SEPTIN9: variants seen among roughly 807,000 people sequenced by gnomAD.
The protein encoded by SEPTIN9 is septin-9.
SEPTIN9 carries 13 observed loss-of-function variants against 56.6 expected under a neutral mutation model. The ratio of observed to expected loss-of-function variants is 0.23; its 90% CI spans 0.15 to 0.37. The LOEUF (loss-of-function observed/expected upper bound fraction) is 0.37. SEPTIN9 is among the 10% of genes least tolerant of loss of function. The pLI, the probability that SEPTIN9 is intolerant of heterozygous loss-of-function variation, is 1.00. For synonymous variants in SEPTIN9, 332 were observed against 334.1 expected (o/e 0.99, Z 0.07); for missense variants, 650 against 823.1 (o/e 0.79, Z 2.57).
chr17:77,306,851 G>A (rs1047337868), intron 1 of SEPTIN9, among the ~76,000 whole-genome samples: 5 of 152,232 alleles, frequency 3.3e-5, no homozygotes, highest in Non-Finnish European at 5.9e-5. Context: ...GTGACACTCT[G>A]TGGAGACTCA....
At chr17:77,335,579 T>C (rs2033519523) in intron 2 of SEPTIN9, among the ~76,000 whole-genome samples, 1 of 150,844 alleles carries the variant, frequency 6.6e-6, no homozygotes, top group African/African-American at 2.4e-5. Flanking sequence ...TGTAGTCCTA[T>C]ATTAGTATAT....
At chr17:77,378,814 G>T (rs1229797341) in intron 2 of SEPTIN9, among the ~76,000 whole-genome samples, 2 of 152,112 alleles carry the variant, frequency 1.3e-5, no homozygotes, top group Non-Finnish European at 2.9e-5. Context: ...CTGGGAGGTT[G>T]TCCTGGTCTT....
intron 3 of SEPTIN9, among the ~76,000 whole-genome samples, chr17:77,408,527 G>T (rs1418461394): frequency 1.3e-5 from 2 of 152,202 alleles, no homozygotes; most frequent in African/African-American, 4.8e-5. Flanking sequence ...GGCAGAACAG[G>T]GAGGAATCTC....
At chr17:77,308,675 C>T (rs540347165) in intron 2 of SEPTIN9, among the ~76,000 whole-genome samples, 55 of 152,232 alleles carry the variant, frequency 3.6e-4, no homozygotes, top group Non-Finnish European at 7.1e-4. Flanking sequence ...GCACCTGAGA[C>T]CTCAGAATTC....
intron 1 of SEPTIN9, among the ~76,000 whole-genome samples, chr17:77,305,520 AC>A (rs1240172520): frequency 1.3e-5 from 2 of 151,826 alleles, no homozygotes; most frequent in East Asian, 1.9e-4. Flanking sequence ...AGGAGTCACG[AC>A]CCACACCCTC....
intron 8 of SEPTIN9, among the ~76,000 whole-genome samples, chr17:77,491,892 T>TAGGGAGGGG (rs1299075854): frequency 2.7e-5 from 4 of 148,462 alleles, no homozygotes; most frequent in African/African-American, 1.0e-4. Context: ...TGCTGTGGGA[T>TAGGGAGGGG]AGGGAGGGGC....
intron 1 of SEPTIN9, among the ~76,000 whole-genome samples, chr17:77,298,701 C>T (rs778538328): frequency 1.3e-5 from 2 of 152,230 alleles, no homozygotes; most frequent in African/African-American, 4.8e-5. Context: ...TCTGATGCCT[C>T]TGAACCTCCT....
rs191711611 is a variant in SEPTIN9, at chr17:77,342,802, A to C, written c.76+35605A>C. 3.3e-3 allele frequency among the ~76,000 whole-genome samples: 495 copies of C among 152,200 alleles called. 2 individuals carry two copies. The highest frequency in any genetic ancestry group is 5.3e-3 in the Non-Finnish European group (362 of 68,012). ...AGCCTGGGCAACATGGTGAAACCTC[A>C]TGTCTACCAAAAATACAAAAAATTA... On this transcript the variant is annotated intron_variant, in intron 2 of 11. Transcript: ENST00000427177.
In SEPTIN9 at chr17:77,434,345, G is replaced by A. The variant is rs2037261042; in HGVS notation, c.721+31642G>A. Among the ~76,000 whole-genome samples, 2 of 152,196 alleles carry A rather than the reference G, an allele frequency of 1.3e-5. No homozygotes were observed. The highest frequency in any genetic ancestry group is 1.5e-5 in the Non-Finnish European group (1 of 68,026). ...GCAGGAGCATCCTGAGAGTTGGTAG[G>A]GTGGCCTGCCCGGCGTCCGCACAGG... is the stretch of plus-strand genomic sequence containing the variant. On this transcript the variant is annotated intron_variant, in intron 3 of 11. Transcript: ENST00000427177. The surrounding 1 kb of genome is among the most constrained non-coding windows in gnomAD (Gnocchi z 5.0).
chr17:77,304,085 CTT>C (rs1219524766), intron 1 of SEPTIN9, among the ~76,000 whole-genome samples: 1 of 152,202 alleles, frequency 6.6e-6, no homozygotes, highest in Non-Finnish European at 1.5e-5. Context: ...GTCTTGGAGA[CTT>C]TTCTAGCTAC....
In SEPTIN9 at chr17:77,437,111, C is replaced by T. The variant is rs1026054271; in HGVS notation, c.721+34408C>T. On this transcript the variant is annotated intron_variant, in intron 3 of 11. Coordinates refer to ENST00000427177, the MANE Select transcript of SEPTIN9 (RefSeq NM_001113491.2). The surrounding 1 kb of genome is among the most constrained non-coding windows in gnomAD (Gnocchi z 5.3). ...CCTGCTCTGCCTTCCCGTGCCCATT[C>T]GGTTGGCATCAGCATCCCTGCCTTG... Among the ~76,000 whole-genome samples, 13 of 152,214 alleles carry T rather than the reference C, an allele frequency of 8.5e-5. No individual in the cohort carries two copies. Among genetic ancestry groups the T allele is most frequent in the African/African-American group, 2.7e-4 (11 of 41,454 alleles).
chr17:77,350,214 C>T (rs1042437784), intron 2 of SEPTIN9, among the ~76,000 whole-genome samples: 2 of 144,888 alleles, frequency 1.4e-5, no homozygotes, highest in African/African-American at 4.9e-5. Context: ...CAGGGTGGGT[C>T]GGCTCCTCAC....
At chr17:77,285,080 C>T (rs72880513) in intron 1 of SEPTIN9, among the ~76,000 whole-genome samples, 20 of 152,282 alleles carry the variant, frequency 1.3e-4, no homozygotes, top group Non-Finnish European at 2.5e-4. Context: ...GCTGGGGTTA[C>T]GCCATTGCTA....
chr17:77,462,136 T>G (rs2038503693), intron 3 of SEPTIN9, among the ~76,000 whole-genome samples: 1 of 142,506 alleles, frequency 7.0e-6, no homozygotes, highest in South Asian at 2.2e-4. Context: ...GAAATTAGAC[T>G]GACAGAGATT....
At position 77,404,459 on chromosome 17, in the gene SEPTIN9, G is replaced by C. The variant is rs61592272; in HGVS notation, c.721+1756G>C. ...GACAGGTTCTCACTAGGTTGCCCAG[G>C]CTGGTCTCAAACTCCTGGGTTCAAA... On this transcript the variant is annotated intron_variant, in intron 3 of 11. Transcript: ENST00000427177. Among the ~76,000 whole-genome samples the C allele has an allele frequency of 6.9e-3, 1,046 of 152,266 alleles. 10 individuals are homozygous for C. Among genetic ancestry groups the C allele is most frequent in the African/African-American group, 0.024 (1,010 of 41,538 alleles).
rs974913606 is a variant in SEPTIN9 at position 77,310,993 on chromosome 17, C to T, written c.76+3796C>T. ...ACAAACTCATGTCCACCAAAAACCT[C>T]AGAATGTGACCTGGGAGTTGGAGAT... is the stretch of plus-strand genomic sequence containing the variant. On this transcript the variant is annotated intron_variant, in intron 2 of 11. Transcript: ENST00000427177. This position sits in a 1 kb window ranked among gnomAD's most constrained non-coding sequence, Gnocchi z 4.7. Among the ~76,000 whole-genome samples, 2 of 152,130 alleles carry T rather than the reference C, an allele frequency of 1.3e-5. No homozygotes were observed. Among genetic ancestry groups the T allele is most frequent in the African/African-American group, 2.4e-5 (1 of 41,428 alleles).
At chr17:77,473,700 A>G (rs2143079480) in intron 3 of SEPTIN9, among the ~76,000 whole-genome samples, 1 of 152,354 alleles carries the variant, frequency 6.6e-6, no homozygotes, top group East Asian at 1.9e-4. Context: ...GACTGCTTCA[A>G]ATCTGTCCGG....
chr17:77,376,768 G>A (rs4789452), intron 2 of SEPTIN9: 59,544 of 152,110 alleles, frequency 0.39, 12,385 homozygotes, highest in Non-Finnish European at 0.47. Flanking sequence ...ACGGGAAGCC[G>A]TCCGTGGGCC....
At chr17:77,466,379 GT>G (rs1470856437) in intron 3 of SEPTIN9, 60 of 985,178 alleles carry the variant, frequency 6.1e-5, no homozygotes, top group Non-Finnish European at 7.0e-5. Context: ...CCATATGAAT[GT>G]AGCTCCTTCC....
Sources: gnomAD v4.1 joint callset for allele counts (sites outside exome capture counted in the v4.1 genomes callset) on GRCh38, gnomAD v4.1.1 for gene constraint, Gnocchi (gnomAD v3.1) non-coding constraint, MANE v1.5 for transcripts, NCBI Gene and HGNC (gene_info 2026-07-23, HGNC 2026-07-21) for gene names.